ANKRD1: variants seen among roughly 807,000 people sequenced by gnomAD.
ANKRD1 encodes ankyrin repeat domain-containing protein 1.
In ANKRD1, 32 loss-of-function variants were observed where a neutral mutation model predicts 40.1. The observed-to-expected ratio is 0.80, with a 90% CI of 0.60 to 1.07. The LOEUF (loss-of-function observed/expected upper bound fraction) is 1.07, where lower values mean the gene tolerates loss of function less well. Among genes scored for constraint, ANKRD1 ranks in the 50% least tolerant of loss-of-function variants. The pLI is 0.00. For synonymous variants in ANKRD1, 149 were observed against 141.2 expected (o/e 1.06, Z -0.39); for missense variants, 359 against 386.0 (o/e 0.93, Z 0.59).
chr10:90,917,694 T>C, intron 5 of ANKRD1, 38 bp downstream of exon 5: 2 of 1,576,900 alleles, frequency 1.3e-6, no homozygotes, highest in Non-Finnish European at 1.7e-6. Context: ...TATAGTCTAC[T>C]TCTTTTGGCT....
chr10:90,912,704 A>G lies in ANKRD1; in HGVS notation c.*162T>C. The G allele has an allele frequency of 1.5e-6, 1 of 675,164 alleles. No individual in the cohort carries two copies. The highest frequency in any genetic ancestry group is 1.7e-5 in the South Asian group (1 of 60,202). 41.8% of individuals were successfully genotyped at this position (675,164 alleles called of 1,614,324 possible). On this transcript the variant is annotated 3_prime_UTR_variant, in exon 9 of 9. Transcript: ENST00000371697. ...ATAAATAAGAGTTTCACTAAAGGAA[A>G]TTTAAACACCTATAACCCTGTGCTT...
At chr10:90,914,465 C>T (rs1007552697) in intron 8 of ANKRD1, among the ~76,000 whole-genome samples, 30 of 152,094 alleles carry the variant, frequency 2.0e-4, no homozygotes, top group African/African-American at 5.6e-4. Flanking sequence ...ACATTTTCTG[C>T]AGCTTTCAAG....
chr10:90,912,314 A>T lies in ANKRD1; in HGVS notation c.*552T>A, dbSNP rs965274113. The stretch of plus-strand genomic sequence containing the variant: ...GGTAAAAAAAAAAAAAAAAAAAAAA[A>T]AAAAAAATCCAGCCTGGGGGTAAAA... On this transcript the variant is annotated 3_prime_UTR_variant, in exon 9 of 9. Transcript: ENST00000371697. 62 of 151,534 alleles carry T rather than the reference A, an allele frequency of 4.1e-4. 1 individual carries two copies. The highest frequency in any genetic ancestry group is 1.4e-3 in the African/African-American group (57 of 40,912). 9.4% of individuals were successfully genotyped at this position (151,534 alleles called of 1,614,324 possible). A position where few individuals can be genotyped will look rare whatever the true frequency, so the allele number is the denominator to read the frequency against.
rs1847409358 is a variant in ANKRD1, at chr10:90,919,347, A to G, written c.208-79T>C. ...CTGGTTGTGTCTAAACTAAATCTGC[A>G]AGGTCTGAGATAAACATGTGAACAG... is the stretch of plus-strand genomic sequence containing the variant. On this transcript the variant is annotated intron_variant, in intron 2 of 8. Coordinates refer to ENST00000371697, the MANE Select transcript of ANKRD1 (RefSeq NM_014391.3). The G allele has an allele frequency of 2.2e-5, 28 of 1,293,128 alleles. 2 individuals carry two copies. The South Asian group carries it at 3.6e-4, about 16-fold the overall frequency. The allele number at this position is 1,293,128 out of a possible 1,614,324, so 80.1% of individuals were successfully genotyped here.
chr10:90,917,628 G>T, intron 5 of ANKRD1, 104 bp downstream of exon 5: 1 of 974,422 alleles, frequency 1.0e-6, no homozygotes. Flanking sequence ...AGTTCTCTCA[G>T]ATCAATTTTC....
chr10:90,918,735 A>C (rs993195874), intron 4 of ANKRD1, 130 bp downstream of exon 4: 1 of 776,432 alleles, frequency 1.3e-6, no homozygotes, highest in Non-Finnish European at 2.2e-6. Flanking sequence ...GGCTCCTGGC[A>C]TACACAGCAA....
At position 90,915,567 on chromosome 10, in the gene ANKRD1, G is replaced by A; in HGVS notation, c.825C>T (p.Gly275=). 6.2e-7 allele frequency: 1 copy of A among 1,613,888 alleles called. No homozygotes were observed. The highest frequency in any genetic ancestry group is 8.5e-7 in the Non-Finnish European group (1 of 1,179,920). The change falls in exon 8 of 9, where the codon GGC becomes GGT. Residue 275 remains glycine, a synonymous_variant. Transcript: ENST00000371697. Reference sequence around the variant, plus strand: ...CACAGTTCTTGATGTTGAGATCCGCGCCATACATAATCAGGAGTCGGATCA... The same window carrying A: ...CACAGTTCTTGATGTTGAGATCCGCACCATACATAATCAGGAGTCGGATCA... ...YKMIRLLIMY[G]ADLNIKNCAG... is the part of the protein sequence containing the mutation.
At position 90,919,113 on chromosome 10, in the gene ANKRD1, C is replaced by G. The variant is rs577559804; in HGVS notation, c.345+18G>C. On this transcript the variant is annotated intron_variant, in intron 3 of 8. Coordinates refer to ENST00000371697, the MANE Select transcript of ANKRD1 (RefSeq NM_014391.3). ...ACACTGGACATGTATTACTGGAAAC[C>G]AAAAAAAAAGCCCTTACAATGATTT... The G allele has an allele frequency of 6.3e-7, 1 of 1,588,440 alleles. No homozygotes were observed. The highest frequency in any genetic ancestry group is 8.6e-7 in the Non-Finnish European group (1 of 1,166,284).
chr10:90,913,047 G>C, intron 8 of ANKRD1, 71 bp from the exon 9 acceptor site: 1 of 1,335,838 alleles, frequency 7.5e-7, no homozygotes, highest in Non-Finnish European at 1.1e-6. Flanking sequence ...CTCTGTGTGT[G>C]TTTCATGAGG....
chr10:90,920,433 G>A, intron 1 of ANKRD1, 85 bp from the exon 2 acceptor site: 2 of 1,519,426 alleles, frequency 1.3e-6, no homozygotes, highest in Non-Finnish European at 1.8e-6. Flanking sequence ...GAGGCTCTTG[G>A]TCCTTCTCCC....
In ANKRD1 at chr10:90,912,989, G is replaced by T; in HGVS notation, c.850-13C>A. ...GCGTCTTCCCAGCCTAATCAAATGA[G>T]ATAAGGAAAGTTGACTTTCAGGTGG... is the stretch of plus-strand genomic sequence containing the variant. On this transcript the variant is annotated splice_polypyrimidine_tract_variant and intron_variant, in intron 8 of 8. Coordinates refer to ENST00000371697, the MANE Select transcript of ANKRD1 (RefSeq NM_014391.3). 1.2e-6 allele frequency: 2 copies of T among 1,612,458 alleles called. No homozygotes were observed. Among genetic ancestry groups the T allele is most frequent in the Non-Finnish European group, 1.7e-6 (2 of 1,178,494 alleles).
At chr10:90,916,989 GC>G (rs1169574262) in intron 5 of ANKRD1, among the ~76,000 whole-genome samples, 1 of 152,068 alleles carries the variant, frequency 6.6e-6, no homozygotes, top group South Asian at 2.1e-4. Context: ...TGGTTGGTAT[GC>G]CCCTGGCCTT....
At position 90,918,975 on chromosome 10, in the gene ANKRD1, A is replaced by G. The variant is rs1203978319; in HGVS notation, c.346-3T>C. Reference sequence around the variant, plus strand: ...GTAGGCACATCCACAGGTTCCGTCTAAAGCCAAAATAAATAAATATATATA... The same window carrying G: ...GTAGGCACATCCACAGGTTCCGTCTGAAGCCAAAATAAATAAATATATATA... On this transcript the variant is annotated splice_region_variant and splice_polypyrimidine_tract_variant and intron_variant, in intron 3 of 8. Coordinates refer to ENST00000371697, the MANE Select transcript of ANKRD1 (RefSeq NM_014391.3). 6.5e-6 allele frequency: 10 copies of G among 1,539,052 alleles called. No homozygotes were observed. Among genetic ancestry groups the G allele is most frequent in the Non-Finnish European group, 7.8e-6 (9 of 1,146,620 alleles).
Position 90,916,252 on chromosome 10 carries a change from G to C in ANKRD1, c.570C>G (p.Ile190Met), listed in dbSNP as rs777185169. 2 of 1,613,956 alleles carry C rather than the reference G, an allele frequency of 1.2e-6. No individual in the cohort carries two copies. Among genetic ancestry groups the C allele is most frequent in the Admixed American group, 3.3e-5 (2 of 60,018 alleles). Residue 190 changes from isoleucine (I) to methionine (M), a missense_variant, in exon 6 of 9, where the codon ATC becomes ATG. Transcript: ENST00000371697. ...GGTTTCCTCCACGGCTTGCCCAGTG[G>C]ATGGCTGTGGATTCAAGCTATACCG... ...EFRDMLESTAIHWASRGGNLD... is the reference protein window; with the variant it reads ...EFRDMLESTAMHWASRGGNLD...
chr10:90,913,908 A>G (rs1847342681), intron 8 of ANKRD1, among the ~76,000 whole-genome samples: 1 of 152,220 alleles, frequency 6.6e-6, no homozygotes, highest in African/African-American at 2.4e-5. Context: ...AGAGCAACAT[A>G]GACTGGGTTG....
intron 8 of ANKRD1, among the ~76,000 whole-genome samples, chr10:90,914,107 G>A (rs569645008): frequency 6.6e-6 from 1 of 152,180 alleles, no homozygotes; most frequent in East Asian, 1.9e-4. Context: ...CTTTCTCTAG[G>A]AACAATCATC....
At position 90,916,192 on chromosome 10, in the gene ANKRD1, T is replaced by C. The variant is rs751422509; in HGVS notation, c.630A>G (p.Ala210=). The change falls in exon 6 of 9, where the codon GCA becomes GCG. Residue 210 remains alanine, a synonymous_variant. Coordinates refer to ENST00000371697, the MANE Select transcript of ANKRD1 (RefSeq NM_014391.3). ...DVLKLLLNKG[A]KISARDKLLS... The stretch of plus-strand genomic sequence containing the variant: ...ATACCTTATCTCGGGCGCTAATTTT[T>C]GCTCCTTTATTCAGCAACAATTTTA... The C allele has an allele frequency of 6.2e-7, 1 of 1,613,858 alleles. No individual in the cohort carries two copies. Among genetic ancestry groups the C allele is most frequent in the Admixed American group, 1.7e-5 (1 of 59,998 alleles).
chr10:90,917,438 G>C (rs1589509503), intron 5 of ANKRD1, among the ~76,000 whole-genome samples: 1 of 152,206 alleles, frequency 6.6e-6, no homozygotes, highest in African/African-American at 2.4e-5. Flanking sequence ...GCTGTTGAAA[G>C]GCAAGTGTCG....
chr10:90,916,780 G>A (rs1186062334), intron 5 of ANKRD1, among the ~76,000 whole-genome samples: 2 of 152,162 alleles, frequency 1.3e-5, no homozygotes, highest in African/African-American at 4.8e-5. Flanking sequence ...AATTTTGGCA[G>A]AATAAAAGTA....
Sources: gnomAD v4.1 joint callset for allele counts (sites outside exome capture counted in the v4.1 genomes callset) on GRCh38, gnomAD v4.1.1 for gene constraint, MANE v1.5 for transcripts, NCBI Gene and HGNC (gene_info 2026-07-23, HGNC 2026-07-21) for gene names.